The following MTUS2 variants were observed in gnomAD, a reference collection of about 807,000 sequenced individuals.
MTUS2 encodes the protein microtubule-associated tumor suppressor candidate 2.
MTUS2 carries 40 observed loss-of-function variants against 114.1 expected under a neutral mutation model. That is an observed-to-expected ratio of 0.35 (90% confidence interval 0.27 to 0.46). The LOEUF is 0.46. MTUS2 is among the 20% of genes least tolerant of loss of function. The pLI is 1.00. For missense variants in MTUS2, 1,679 were observed against 1,705.4 expected, an observed-to-expected ratio of 0.98 and a Z score of 0.27; for synonymous variants, 688 against 672.0, an observed-to-expected ratio of 1.02 and a Z score of -0.37.
intron 7 of MTUS2, among the ~76,000 whole-genome samples, chr13:29,348,437 T>C (rs1868929294): frequency 6.6e-6 from 1 of 152,150 alleles, no homozygotes; most frequent in African/African-American, 2.4e-5. Flanking sequence ...CGCAGATGAC[T>C]TGAATCCTTT....
intron 3 of MTUS2, 44 bp from the exon 4 acceptor site, chr13:29,033,841 A>C: frequency 1.9e-6 from 3 of 1,610,206 alleles, no homozygotes; most frequent in Non-Finnish European, 2.5e-6. Flanking sequence ...AACTCACACT[A>C]TGATGTGAAG....
chr13:29,003,052 A>G (rs190779926), intron 2 of MTUS2, among the ~76,000 whole-genome samples: 33 of 152,358 alleles, frequency 2.2e-4, no homozygotes, highest in African/African-American at 7.9e-4. Flanking sequence ...TACAGTTAAA[A>G]TAGTTCAAGA....
At chr13:29,409,867 C>T (rs1386658698) in intron 8 of MTUS2, among the ~76,000 whole-genome samples, 1 of 151,306 alleles carries the variant, frequency 6.6e-6, no homozygotes, top group Non-Finnish European at 1.5e-5. Flanking sequence ...GACCATTCTC[C>T]TAGGAAGGGG....
intron 5 of MTUS2, among the ~76,000 whole-genome samples, chr13:29,193,891 CAG>C (rs1894554397): frequency 6.6e-6 from 1 of 152,170 alleles, no homozygotes; most frequent in Non-Finnish European, 1.5e-5. Context: ...GGTACAAAAA[CAG>C]AGATACAGAT....
chr13:28,850,915 C>T (rs1397584408), intron 2 of MTUS2, among the ~76,000 whole-genome samples: 2 of 152,140 alleles, frequency 1.3e-5, no homozygotes, highest in Non-Finnish European at 2.9e-5. Context: ...TGCCTGTTTA[C>T]CATGGTTTCA....
chr13:28,902,747 A>C (rs1351631609), intron 2 of MTUS2, among the ~76,000 whole-genome samples: 6 of 152,100 alleles, frequency 3.9e-5, no homozygotes, highest in East Asian at 1.9e-4. Flanking sequence ...TTTTGTGACT[A>C]ACTTCATGAG....
At chr13:29,331,101 T>A (rs938316003) in intron 7 of MTUS2, among the ~76,000 whole-genome samples, 1 of 152,208 alleles carries the variant, frequency 6.6e-6, no homozygotes, top group Non-Finnish European at 1.5e-5. Context: ...TTGTGTCCTC[T>A]CTTATTTCAT....
At chr13:28,970,450 C>G (rs1047696069) in intron 2 of MTUS2, among the ~76,000 whole-genome samples, 1 of 152,208 alleles carries the variant, frequency 6.6e-6, no homozygotes, top group Non-Finnish European at 1.5e-5. Context: ...CACCATCGTT[C>G]ATTCATGCGT....
chr13:29,135,043 A>G (rs537226714), intron 5 of MTUS2, among the ~76,000 whole-genome samples: 7 of 152,310 alleles, frequency 4.6e-5, no homozygotes, highest in Admixed American at 1.3e-4. Flanking sequence ...GAAATAAACA[A>G]TTCATAGGTT....
rs1177698936 is a variant in MTUS2, at chr13:29,389,572, TATGTGTGTATACGTATAC to T, written c.3117+30102_3117+30119del. Among the ~76,000 whole-genome samples the T allele has an allele frequency of 8.3e-3, 931 of 112,184 alleles. 143 individuals are homozygous for T. The highest frequency in any genetic ancestry group is 0.025 in the African/African-American group (710 of 28,876). 73.6% of individuals were successfully genotyped at this position (112,184 alleles called of 152,430 possible). ...GTATACACGTGTGTATATGTGTACA[TATGTGTGTATACGTATAC>T]ATATGTGTGTATACGTATACATATG... is the stretch of plus-strand genomic sequence containing the variant. On this transcript the variant is annotated intron_variant, in intron 8 of 15. Transcript: ENST00000612955.
At chr13:29,118,007 A>G (rs1430840865) in intron 5 of MTUS2, among the ~76,000 whole-genome samples, 1 of 152,186 alleles carries the variant, frequency 6.6e-6, no homozygotes, top group Non-Finnish European at 1.5e-5. Context: ...AGGTGCTATT[A>G]GTTTTGTGTG....
chr13:29,423,424 C>A (rs1244092516), intron 8 of MTUS2, among the ~76,000 whole-genome samples: 1 of 152,132 alleles, frequency 6.6e-6, no homozygotes, highest in African/African-American at 2.4e-5. Flanking sequence ...GGAGGAAATA[C>A]ATAAGATGAG....
chr13:29,176,157 G>T (rs541000136), intron 5 of MTUS2, among the ~76,000 whole-genome samples: 1 of 152,244 alleles, frequency 6.6e-6, no homozygotes, highest in Non-Finnish European at 1.5e-5. Flanking sequence ...AATATTCAAT[G>T]AGTTCATTTT....
chr13:29,364,918 C>T (rs1434224248), intron 8 of MTUS2, among the ~76,000 whole-genome samples: 1 of 152,190 alleles, frequency 6.6e-6, no homozygotes, highest in East Asian at 1.9e-4. Context: ...TTAATTTTAT[C>T]TTGAATAACC....
chr13:28,963,865 T>C (rs1041074808), intron 2 of MTUS2, among the ~76,000 whole-genome samples: 5 of 152,142 alleles, frequency 3.3e-5, no homozygotes, highest in Admixed American at 2.0e-4. Context: ...TTCACCCTCC[T>C]TCTTGAAATG....
At chr13:28,880,866 TAG>T (rs1379587222) in intron 2 of MTUS2, among the ~76,000 whole-genome samples, 1 of 152,200 alleles carries the variant, frequency 6.6e-6, no homozygotes, top group African/African-American at 2.4e-5. Flanking sequence ...GGTGGAGTTC[TAG>T]AATAGATTAT....
intron 7 of MTUS2, among the ~76,000 whole-genome samples, chr13:29,326,154 G>A (rs1481215337): frequency 2.0e-5 from 3 of 152,188 alleles, no homozygotes; most frequent in African/African-American, 7.2e-5. Flanking sequence ...CACCCTGCGG[G>A]AGACTGACTG....
At chr13:29,427,841 A>G (rs921025674) in intron 8 of MTUS2, among the ~76,000 whole-genome samples, 4 of 152,258 alleles carry the variant, frequency 2.6e-5, no homozygotes, top group African/African-American at 9.6e-5. Flanking sequence ...CAGGGCATAT[A>G]AAATCAATCA....
At chr13:29,166,026 G>A (rs1338807796) in intron 5 of MTUS2, among the ~76,000 whole-genome samples, 5 of 152,254 alleles carry the variant, frequency 3.3e-5, no homozygotes, top group South Asian at 2.1e-4. Context: ...GATCCTTGTC[G>A]TAAGGGAATT....
Sources: gnomAD v4.1 joint callset for allele counts (sites outside exome capture counted in the v4.1 genomes callset) on GRCh38, gnomAD v4.1.1 for gene constraint, MANE v1.5 for transcripts, NCBI Gene and HGNC (gene_info 2026-07-23, HGNC 2026-07-21) for gene names.